DNM3: variants seen among roughly 807,000 people sequenced by gnomAD.
DNM3 encodes the protein dynamin 3.
In DNM3, 47 loss-of-function variants were observed where a neutral mutation model predicts 101.6. That is an observed-to-expected ratio of 0.46 (90% CI 0.37 to 0.59). The LOEUF is 0.59. Ranked by LOEUF, DNM3 falls within the 20% of genes least tolerant of loss-of-function variation. The pLI, the probability that DNM3 is intolerant of heterozygous loss-of-function variation, is 0.00. For missense variants in DNM3, 849 were observed against 1,085.7 expected (o/e 0.78, Z 3.06); for synonymous variants, 385 against 387.9 (o/e 0.99, Z 0.09).
intron 2 of DNM3, among the ~76,000 whole-genome samples, chr1:171,984,587 A>G (rs1453967814): frequency 6.6e-6 from 1 of 152,068 alleles, no homozygotes; most frequent in East Asian, 1.9e-4. Flanking sequence ...TATACCACAT[A>G]ACCAAGCAAC....
intron 15 of DNM3, among the ~76,000 whole-genome samples, chr1:172,291,339 A>T (rs2063908597): frequency 6.6e-6 from 1 of 152,120 alleles, no homozygotes; most frequent in Non-Finnish European, 1.5e-5. Flanking sequence ...ATACAATATG[A>T]ATGATCCAAG....
At chr1:171,995,976 A>G (rs2045970497) in intron 4 of DNM3, among the ~76,000 whole-genome samples, 1 of 152,168 alleles carries the variant, frequency 6.6e-6, no homozygotes, top group Admixed American at 6.5e-5. Context: ...ATATTGGAAT[A>G]TATGCTTGGG....
At chr1:172,323,631 A>G (rs2065823085) in intron 17 of DNM3, among the ~76,000 whole-genome samples, 1 of 152,222 alleles carries the variant, frequency 6.6e-6, no homozygotes, top group Admixed American at 6.5e-5. Flanking sequence ...AAGATTTTGA[A>G]GATTTAATAA....
intron 10 of DNM3, among the ~76,000 whole-genome samples, chr1:172,059,598 A>G (rs1311830642): frequency 1.2e-5 from 1 of 81,144 alleles, no homozygotes; most frequent in African/African-American, 5.8e-5. Flanking sequence ...CAAAAACCAC[A>G]TGATTATCTC....
chr1:172,243,865 C>T (rs1220633151), intron 14 of DNM3, among the ~76,000 whole-genome samples: 1 of 151,414 alleles, frequency 6.6e-6, no homozygotes, highest in Admixed American at 6.6e-5. Context: ...GTTATAACTT[C>T]TTTTTTTTTA....
rs145306760 is a variant in DNM3, at chr1:171,906,420, G to A, written c.162-15328G>A. Reference sequence around the variant, plus strand: ...TGAGATTATAGGTGTGAGCCACCACGCCCTACCAACAAAACTTTTTTTTTT... The same window carrying A: ...TGAGATTATAGGTGTGAGCCACCACACCCTACCAACAAAACTTTTTTTTTT... On this transcript the variant is annotated intron_variant, in intron 1 of 20. Transcript: ENST00000627582. 9.0e-3 allele frequency among the ~76,000 whole-genome samples: 1,363 copies of A among 151,376 alleles called. 24 individuals carry two copies. Among genetic ancestry groups the A allele is most frequent in the Admixed American group, 0.035 (539 of 15,208 alleles).
chr1:172,261,981 G>A (rs2062673230), intron 15 of DNM3, among the ~76,000 whole-genome samples: 1 of 152,194 alleles, frequency 6.6e-6, no homozygotes, highest in South Asian at 2.1e-4. Context: ...AAGGAGTGGA[G>A]CTGAGCCAGG....
Position 172,408,976 on chromosome 1 carries a change from C to G in DNM3, c.*1135C>G, listed in dbSNP as rs1356765657. The G allele has an allele frequency of 1.3e-5, 13 of 985,194 alleles. No homozygotes were observed. Among genetic ancestry groups the G allele is most frequent in the Non-Finnish European group, 1.4e-5 (12 of 829,890 alleles). The allele number at this position is 985,194 out of a possible 1,614,324, so 61.0% of individuals were successfully genotyped here. On this transcript the variant is annotated 3_prime_UTR_variant, in exon 21 of 21. Coordinates refer to ENST00000627582, the MANE Select transcript of DNM3 (RefSeq NM_015569.5). ...TTTTACAGTTGCAGTATTTCAAAGT[C>G]CCTATCCAGGTCACTCCAGAAAAGG... is the stretch of plus-strand genomic sequence containing the variant.
At chr1:172,308,696 A>G in intron 15 of DNM3, 32 bp from the exon 16 acceptor site, 2 of 1,325,698 alleles carry the variant, frequency 1.5e-6, no homozygotes, top group Admixed American at 2.4e-5. Flanking sequence ...GGTTCAAACT[A>G]AAAGCATGAT....
In DNM3 at chr1:172,408,896, TG is replaced by T. The variant is rs2071062422; in HGVS notation, c.*1057del. On this transcript the variant is annotated 3_prime_UTR_variant, in exon 21 of 21. Transcript: ENST00000627582. ...CTATGGGATAATCACATTTAAAGAA[TG>T]GTTCCTGAAATGAAGTCAGTAGAAA... is the stretch of plus-strand genomic sequence containing the variant. 3 of 985,350 alleles carry T rather than the reference TG, an allele frequency of 3.0e-6. No homozygotes were observed. Among genetic ancestry groups the T allele is most frequent in the Non-Finnish European group, 3.6e-6 (3 of 829,888 alleles). The allele number at this position is 985,350 out of a possible 1,614,324, so 61.0% of individuals were successfully genotyped here. A position where few individuals can be genotyped will look rare whatever the true frequency, so the allele number is the denominator to read the frequency against.
chr1:172,372,834 C>A (rs184860238), intron 17 of DNM3, among the ~76,000 whole-genome samples: 1 of 151,584 alleles, frequency 6.6e-6, no homozygotes, highest in Admixed American at 6.6e-5. Context: ...CGGGCATGCA[C>A]CAGTATGCCT....
At chr1:172,149,493 C>A (rs999964466) in intron 14 of DNM3, among the ~76,000 whole-genome samples, 9 of 152,094 alleles carry the variant, frequency 5.9e-5, no homozygotes, top group Admixed American at 4.6e-4. Flanking sequence ...TTGTTGCTGG[C>A]CTTTTCAGGC....
intron 2 of DNM3, among the ~76,000 whole-genome samples, chr1:171,984,531 C>A (rs915481803): frequency 2.0e-5 from 3 of 152,164 alleles, no homozygotes; most frequent in Admixed American, 6.5e-5. Flanking sequence ...TTTCTTGAGT[C>A]ATTGCTCAAA....
At chr1:172,101,659 A>T (rs983014665) in intron 13 of DNM3, among the ~76,000 whole-genome samples, 12 of 152,186 alleles carry the variant, frequency 7.9e-5, no homozygotes, top group African/African-American at 2.9e-4. Context: ...AAACTGAGGC[A>T]TGGAGAGGCA....
At chr1:172,195,802 A>G (rs1272141963) in intron 14 of DNM3, among the ~76,000 whole-genome samples, 2 of 151,386 alleles carry the variant, frequency 1.3e-5, no homozygotes, top group Non-Finnish European at 3.0e-5. Flanking sequence ...CTTTTTATGT[A>G]TTTTTGGGCT....
intron 11 of DNM3, among the ~76,000 whole-genome samples, chr1:172,080,783 G>A (rs2053077826): frequency 1.3e-5 from 2 of 152,210 alleles, no homozygotes; most frequent in Non-Finnish European, 2.9e-5. Flanking sequence ...CTCCTGGTCT[G>A]CAGGTTGCGA....
intron 14 of DNM3, among the ~76,000 whole-genome samples, chr1:172,236,508 G>A (rs1198846199): frequency 6.6e-6 from 1 of 151,948 alleles, no homozygotes; most frequent in African/African-American, 2.4e-5. Flanking sequence ...ATTTATCATT[G>A]TATATAATCA....
At chr1:172,380,876 A>G (rs2149061135) in intron 18 of DNM3, 1 of 151,372 alleles carries the variant, frequency 6.6e-6, no homozygotes, top group Non-Finnish European at 1.5e-5. Flanking sequence ...TGCTGCCATC[A>G]GTTCAAACGC....
chr1:171,920,958 T>C (rs1052239392), intron 1 of DNM3, among the ~76,000 whole-genome samples: 6 of 152,290 alleles, frequency 3.9e-5, no homozygotes, highest in Non-Finnish European at 8.8e-5. Context: ...AGAGTCTCAC[T>C]CTGTTGCACA....
Sources: gnomAD v4.1 joint callset for allele counts (sites outside exome capture counted in the v4.1 genomes callset) on GRCh38, gnomAD v4.1.1 for gene constraint, MANE v1.5 for transcripts, NCBI Gene and HGNC (gene_info 2026-07-23, HGNC 2026-07-21) for gene names.